The following SUPT20H variants were observed in gnomAD, a reference collection of about 807,000 sequenced individuals.
SUPT20H encodes the protein transcription factor SPT20 homolog.
In SUPT20H, 82 loss-of-function variants were observed where a neutral mutation model predicts 122.8. That is an observed-to-expected ratio of 0.67 (90% CI 0.56 to 0.80). The LOEUF is 0.80. SUPT20H is among the 30% of genes least tolerant of loss of function. The pLI is 0.00. For missense variants in SUPT20H, 831 were observed against 921.6 expected (o/e 0.90, Z 1.27); for synonymous variants, 291 against 313.0 (o/e 0.93, Z 0.74).
intron 19 of SUPT20H, chr13:37,023,048 C>A: frequency 4.7e-6 from 6 of 1,281,548 alleles, no homozygotes; most frequent in Non-Finnish European, 5.1e-6. Flanking sequence ...TCATGTCCTG[C>A]AGAAAGAAAG....
chr13:37,033,392 T>C (rs1371606601), intron 10 of SUPT20H, 57 bp downstream of exon 10: 4 of 1,583,554 alleles, frequency 2.5e-6, no homozygotes, highest in Middle Eastern at 3.4e-4. Flanking sequence ...ATACTATAAA[T>C]AGCAAAATTT....
In SUPT20H at chr13:37,022,842, G is replaced by C; in HGVS notation, c.1592-762C>G. ...CTGACAAACAAATTTACAAAAAACA[G>C]TAATAAAGCAAATATCTGAGAGATA... On this transcript the variant is annotated intron_variant, in intron 19 of 25. Coordinates refer to ENST00000350612, the MANE Select transcript of SUPT20H (RefSeq NM_001014286.3). This position sits in a 1 kb window ranked among gnomAD's most constrained non-coding sequence, Gnocchi z 4.5. The C allele has an allele frequency of 9.4e-7, 1 of 1,069,458 alleles. No homozygotes were observed. Among genetic ancestry groups the C allele is most frequent in the South Asian group, 2.7e-5 (1 of 37,306 alleles). 66.2% of individuals were successfully genotyped at this position (1,069,458 alleles called of 1,614,324 possible).
rs746740892 is a variant in SUPT20H, at chr13:37,009,803, G to A, written c.2209C>T (p.Arg737Ter). The change falls in exon 26 of 26, where the codon CGA (arginine) becomes TGA (stop). Residue 737 changes from arginine to a stop codon, truncating the protein, a stop_gained. Coordinates refer to ENST00000350612, the MANE Select transcript of SUPT20H (RefSeq NM_001014286.3). LOFTEE classifies it high-confidence loss of function. ...ATAGCCATTTGATGCTGCAAGAATC[G>A]CAACTGCTGCAAAAGGGAGGGAAAA... ...QQQQQQIQQL[R>*]FLQHQMAMAA... 1.9e-5 allele frequency: 30 copies of A among 1,609,536 alleles called. No homozygotes were observed. The highest frequency in any genetic ancestry group is 2.5e-5 in the Non-Finnish European group (30 of 1,178,762).
At chr13:37,011,611 A>C (rs1263546890) in intron 24 of SUPT20H, among the ~76,000 whole-genome samples, 1 of 152,178 alleles carries the variant, frequency 6.6e-6, no homozygotes, top group African/African-American at 2.4e-5. Flanking sequence ...ACAGGAAGTT[A>C]GAATTATCGT....
chr13:37,031,444 A>G, intron 12 of SUPT20H, 123 bp downstream of exon 12: 2 of 525,276 alleles, frequency 3.8e-6, no homozygotes, highest in Non-Finnish European at 3.2e-6. Flanking sequence ...ACTTGTTTAG[A>G]GTATGATCTA....
At chr13:37,039,638 G>A (rs1428083591) in intron 9 of SUPT20H, 2 of 151,998 alleles carry the variant, frequency 1.3e-5, no homozygotes, top group African/African-American at 4.8e-5. Context: ...TAAGAGTTTT[G>A]ATGGGAAACC....
chr13:37,021,495 A>C lies in SUPT20H; in HGVS notation c.1769T>G (p.Leu590Arg), dbSNP rs188364760. ...TGCACTGGGCAGTGCATTTGGTAGC[A>C]GACCTCCTGAGGGTAGAAGGCCGCT... ...NLSGLLPSGGLLPNALPSAMQ... is the reference protein window; with the variant it reads ...NLSGLLPSGGRLPNALPSAMQ... Residue 590 changes from leucine (L) to arginine (R), a missense_variant, in exon 21 of 26, where the codon CTG becomes CGG. Coordinates refer to ENST00000350612, the MANE Select transcript of SUPT20H (RefSeq NM_001014286.3). 1 of 1,613,966 alleles carries C rather than the reference A, an allele frequency of 6.2e-7. No individual in the cohort carries two copies. The highest frequency in any genetic ancestry group is 8.5e-7 in the Non-Finnish European group (1 of 1,179,948).
intron 23 of SUPT20H, 100 bp downstream of exon 23, chr13:37,017,145 A>G: frequency 6.6e-7 from 1 of 1,526,394 alleles, no homozygotes; most frequent in South Asian, 1.1e-5. Context: ...ACAGTACAGG[A>G]AATGTTTACA....
intron 20 of SUPT20H, 50 bp downstream of exon 20, chr13:37,021,961 G>T: frequency 2.0e-6 from 3 of 1,501,546 alleles, no homozygotes; most frequent in Non-Finnish European, 1.8e-6. Flanking sequence ...TATTTAGATT[G>T]GTGAAACTAT....
chr13:37,009,769 G>C lies in SUPT20H; in HGVS notation c.2243C>G (p.Ala748Gly). 1 of 1,613,570 alleles carries C rather than the reference G, an allele frequency of 6.2e-7. No individual in the cohort carries two copies. Among genetic ancestry groups the C allele is most frequent in the Admixed American group, 1.7e-5 (1 of 59,836 alleles). Residue 748 changes from alanine (A) to glycine (G), a missense_variant, in exon 26 of 26, where the codon GCA (alanine) becomes GGA (glycine). Ala to Gly is a moderately conservative substitution (Grantham distance 60). Coordinates refer to ENST00000350612, the MANE Select transcript of SUPT20H (RefSeq NM_001014286.3). ...FLQHQMAMAA[A>G]AAQTAQLHHH... is the part of the protein sequence containing the mutation. ...ATGTAGCTGAGCTGTTTGTGCTGCT[G>C]CTGCTGCCATAGCCATTTGATGCTG...
Position 37,021,452 on chromosome 13 carries a change from T to C in SUPT20H, c.1812A>G (p.Gln604=), listed in dbSNP as rs762819052. The C allele has an allele frequency of 2.5e-6, 4 of 1,605,762 alleles. No homozygotes were observed. The highest frequency in any genetic ancestry group is 3.4e-6 in the Non-Finnish European group (4 of 1,176,088). The stretch of plus-strand genomic sequence containing the variant: ...TATTATTTCCAACATTCTGACCTGC[T>C]TGAGAAGCTGCCTGCATTGCACTGG... ...ALPSAMQAAS[Q]AGVPFGLKNT... The change falls in exon 21 of 26, where the codon CAA becomes CAG. Residue 604 remains glutamine (Q), a synonymous_variant. Transcript: ENST00000350612.
chr13:37,032,511 T>C (rs2063546889), intron 10 of SUPT20H, among the ~76,000 whole-genome samples: 1 of 152,098 alleles, frequency 6.6e-6, no homozygotes, highest in South Asian at 2.1e-4. Flanking sequence ...ATGCAGACCA[T>C]CATGCCTTGC....
intron 7 of SUPT20H, 74 bp downstream of exon 7, chr13:37,044,004 C>A: frequency 1.1e-6 from 1 of 879,834 alleles, no homozygotes. Flanking sequence ...TGTATACATA[C>A]ATAAAAATGT....
intron 21 of SUPT20H, 87 bp from the exon 22 acceptor site, chr13:37,019,484 A>T: frequency 1.2e-6 from 1 of 868,600 alleles, no homozygotes; most frequent in Non-Finnish European, 1.7e-6. Context: ...TAAGTACAAT[A>T]ATTTTATGTA....
chr13:37,050,890 C>T (rs2067539529), intron 2 of SUPT20H, among the ~76,000 whole-genome samples: 2 of 152,134 alleles, frequency 1.3e-5, no homozygotes, highest in African/African-American at 4.8e-5. Flanking sequence ...AAATAAATAA[C>T]ATGGTGGTCA....
At position 37,026,800 on chromosome 13, in the gene SUPT20H, GATC is replaced by G. The variant is rs747552263; in HGVS notation, c.1165_1167del (p.Asp389del). 3 of 1,437,716 alleles carry G rather than the reference GATC, an allele frequency of 2.1e-6. No homozygotes were observed. In the South Asian group the frequency reaches 4.3e-5, roughly 21 times the overall value. 89.1% of individuals were successfully genotyped at this position (1,437,716 alleles called of 1,614,324 possible). A position where few individuals can be genotyped will look rare whatever the true frequency, so the allele number is the denominator to read the frequency against. On this transcript the variant is annotated inframe_deletion, in exon 15 of 26. Coordinates refer to ENST00000350612, the MANE Select transcript of SUPT20H (RefSeq NM_001014286.3). ...TTATTTTTTAATTACCAATTTGAAT[GATC>G]ATCTGTGGACGAGCTGAAATATAAA... is the stretch of plus-strand genomic sequence containing the variant.
At chr13:37,039,890 A>G (rs1008618553) in intron 9 of SUPT20H, 4 of 152,090 alleles carry the variant, frequency 2.6e-5, no homozygotes, top group Non-Finnish European at 5.9e-5. Context: ...AAAAGTTTAT[A>G]TTTTTTATTA....
intron 10 of SUPT20H, among the ~76,000 whole-genome samples, chr13:37,032,272 T>C (rs1471336409): frequency 3.3e-5 from 5 of 151,772 alleles, no homozygotes; most frequent in South Asian, 2.1e-4. Flanking sequence ...AAAAATGACA[T>C]GTGAGCTGAG....
chr13:37,047,463 C>A, intron 5 of SUPT20H, 72 bp downstream of exon 5: 1 of 1,353,188 alleles, frequency 7.4e-7, no homozygotes, highest in Non-Finnish European at 9.7e-7. Flanking sequence ...AAATAATACT[C>A]CAAATGTAAC....
Sources: gnomAD v4.1 joint callset for allele counts (sites outside exome capture counted in the v4.1 genomes callset) on GRCh38, gnomAD v4.1.1 for gene constraint, Gnocchi (gnomAD v3.1) non-coding constraint, MANE v1.5 for transcripts, NCBI Gene and HGNC (gene_info 2026-07-23, HGNC 2026-07-21) for gene names.